ERCC1: variants seen among roughly 807,000 people sequenced by gnomAD.
The protein encoded by ERCC1 is DNA excision repair protein ERCC-1.
ERCC1 carries 36 observed loss-of-function variants against 37.6 expected under a neutral mutation model. The ratio of observed to expected loss-of-function variants is 0.96; its 90% CI spans 0.73 to 1.26. The LOEUF is 1.26. ERCC1 is among the 50% of genes most tolerant of loss of function. The pLI, the probability that ERCC1 is intolerant of heterozygous loss-of-function variation, is 0.00. For synonymous variants in ERCC1, 156 were observed against 162.1 expected (o/e 0.96, Z 0.28); for missense variants, 349 against 376.5 (o/e 0.93, Z 0.60).
intron 1 of ERCC1, among the ~76,000 whole-genome samples, chr19:45,432,192 G>C (rs1047183217): frequency 2.0e-5 from 3 of 151,770 alleles, no homozygotes; most frequent in African/African-American, 7.3e-5. Flanking sequence ...GGCTGCTCTC[G>C]ATCTCCTGAC....
intron 1 of ERCC1, among the ~76,000 whole-genome samples, chr19:45,451,200 T>G (rs1568604859): frequency 6.6e-6 from 1 of 152,128 alleles, no homozygotes. Context: ...TCTGTCCGTC[T>G]GCGCCCCCTC....
At chr19:45,443,684 C>T (rs982949822) in intron 1 of ERCC1, among the ~76,000 whole-genome samples, 1 of 152,170 alleles carries the variant, frequency 6.6e-6, no homozygotes, top group Non-Finnish European at 1.5e-5. Flanking sequence ...GCCGGATGTC[C>T]TGGCCGGGCC....
At chr19:45,411,414 GTA>G (rs902188443) in intron 9 of ERCC1, among the ~76,000 whole-genome samples, 2 of 151,820 alleles carry the variant, frequency 1.3e-5, no homozygotes, top group Non-Finnish European at 2.9e-5. Flanking sequence ...CCCATCAAAA[GTA>G]TATGAGGGTT....
chr19:45,413,918 G>C (rs748462021), intron 8 of ERCC1, 45 bp downstream of exon 8: 3 of 1,596,602 alleles, frequency 1.9e-6, no homozygotes, highest in African/African-American at 1.3e-5. Flanking sequence ...TCTAAAAAAG[G>C]CAAGGGGACA....
chr19:45,423,760 C>T (rs1441942064), intron 1 of ERCC1, 21 bp downstream of exon 1: 1 of 1,147,888 alleles, frequency 8.7e-7, no homozygotes, highest in Non-Finnish European at 1.1e-6. Context: ...AATCTCCACC[C>T]GCAGTCTCCG....
intron 1 of ERCC1, among the ~76,000 whole-genome samples, chr19:45,438,500 G>A (rs1975039706): frequency 6.6e-6 from 1 of 152,044 alleles, no homozygotes; most frequent in African/African-American, 2.4e-5. Flanking sequence ...TCACTCTGTC[G>A]CCCAGGCTGG....
chr19:45,431,002 G>C (rs1460660977), intron 1 of ERCC1, among the ~76,000 whole-genome samples: 1 of 151,992 alleles, frequency 6.6e-6, no homozygotes, highest in Non-Finnish European at 1.5e-5. Context: ...CCCCAGGCTG[G>C]AGTGCAGTGG....
intron 4 of ERCC1, 44 bp from the exon 5 acceptor site, chr19:45,419,241 C>T (rs372992741): frequency 1.5e-6 from 2 of 1,336,510 alleles, no homozygotes. Flanking sequence ...TCAGTCTCTT[C>T]AAGACCCCCA....
chr19:45,414,042 G>C lies in ERCC1; in HGVS notation c.703-8C>G, dbSNP rs1450094340. The C allele has an allele frequency of 6.2e-7, 1 of 1,611,624 alleles. No individual in the cohort carries two copies. Among genetic ancestry groups the C allele is most frequent in the Non-Finnish European group, 8.5e-7 (1 of 1,179,236 alleles). On this transcript the variant is annotated splice_polypyrimidine_tract_variant and splice_region_variant and intron_variant, in intron 7 of 9. Coordinates refer to ENST00000300853, the MANE Select transcript of ERCC1 (RefSeq NM_001983.4). The stretch of plus-strand genomic sequence containing the variant: ...GGTCAGACATTCAGTCACCTGGAAA[G>C]GGTGGAGGCAGGAGTGTGTCGGAAG...
chr19:45,408,754 C>T lies in ERCC1; in HGVS notation c.*921G>A, dbSNP rs142978273. ...AGAAGCCCAAAGGGAAAGAAACCTT[C>T]GAGCCAGAAGACAAGACAGTGAAGC... On this transcript the variant is annotated 3_prime_UTR_variant, in exon 10 of 10. Transcript: ENST00000300853. The T allele has an allele frequency of 5.7e-4, 919 of 1,613,632 alleles. 1 individual carries two copies. Among genetic ancestry groups the T allele is most frequent in the Non-Finnish European group, 7.6e-4 (894 of 1,179,958 alleles).
rs1973421682 is a variant in ERCC1, at chr19:45,407,579, G to C, written c.*2096C>G. On this transcript the variant is annotated 3_prime_UTR_variant, in exon 10 of 10. Coordinates refer to ENST00000300853, the MANE Select transcript of ERCC1 (RefSeq NM_001983.4). ...ATGTTATATTTAAGTAATGGGGGCTGCATTCTTAGGACATTTGGACATTCT... is the reference window on the plus strand; with the variant it reads ...ATGTTATATTTAAGTAATGGGGGCTCCATTCTTAGGACATTTGGACATTCT... 3 of 303,008 alleles carry C rather than the reference G, an allele frequency of 9.9e-6. No homozygotes were observed. The highest frequency in any genetic ancestry group is 1.8e-5 in the Non-Finnish European group (3 of 165,126). 18.8% of individuals were successfully genotyped at this position (303,008 alleles called of 1,614,324 possible).
At chr19:45,427,697 A>G (rs1974729015), upstream of ERCC1, among the ~76,000 whole-genome samples, 1 of 152,152 alleles carries the variant, frequency 6.6e-6, no homozygotes, top group Non-Finnish European at 1.5e-5. Context: ...TCCCAAGTAG[A>G]AGGGCTTGTG....
chr19:45,439,628 A>AG (rs1392440987), intron 1 of ERCC1, among the ~76,000 whole-genome samples: 1 of 152,160 alleles, frequency 6.6e-6, no homozygotes, highest in Non-Finnish European at 1.5e-5. Flanking sequence ...GGGGGCCACC[A>AG]GGGGGCGCGG....
At chr19:45,448,013 A>G (rs1444021996) in intron 1 of ERCC1, among the ~76,000 whole-genome samples, 1 of 152,144 alleles carries the variant, frequency 6.6e-6, no homozygotes, top group East Asian at 1.9e-4. Context: ...CTGGGACTAC[A>G]GGTGTATGCC....
chr19:45,431,029 T>C (rs1974818031), intron 1 of ERCC1, among the ~76,000 whole-genome samples: 1 of 152,166 alleles, frequency 6.6e-6, no homozygotes. Flanking sequence ...CTTGGCTTAC[T>C]GCAACCTCCA....
chr19:45,420,286 G>A lies in ERCC1; in HGVS notation c.425+38C>T, dbSNP rs1655801348. ...CATGACCCTCCCAGGCCAGTGGGGT[G>A]CCCTTCCTGAAGTCTGGGGTGGCGC... On this transcript the variant is annotated intron_variant, in intron 4 of 9. Coordinates refer to ENST00000300853, the MANE Select transcript of ERCC1 (RefSeq NM_001983.4). The surrounding 1 kb of genome is among the most constrained non-coding windows in gnomAD (Gnocchi z 4.8). 2.3e-6 allele frequency: 3 copies of A among 1,332,932 alleles called. No homozygotes were observed. The highest frequency in any genetic ancestry group is 3.2e-6 in the Non-Finnish European group (3 of 934,132). 82.6% of individuals were successfully genotyped at this position (1,332,932 alleles called of 1,614,324 possible).
intron 1 of ERCC1, among the ~76,000 whole-genome samples, chr19:45,431,950 A>G (rs765502213): frequency 1.1e-4 from 16 of 152,254 alleles, no homozygotes; most frequent in Non-Finnish European, 1.8e-4. Flanking sequence ...GATATAACTT[A>G]CATTAACATT....
At chr19:45,424,565 T>G (rs539902216), upstream of ERCC1, among the ~76,000 whole-genome samples, 1 of 152,352 alleles carries the variant, frequency 6.6e-6, no homozygotes, top group African/African-American at 2.4e-5. Flanking sequence ...AACTTGCAGC[T>G]CTCTGATTAC....
chr19:45,409,072 G>C lies in ERCC1; in HGVS notation c.*603C>G, dbSNP rs1973524658. 6.2e-7 allele frequency: 1 copy of C among 1,613,770 alleles called. No individual in the cohort carries two copies. The highest frequency in any genetic ancestry group is 1.1e-5 in the South Asian group (1 of 91,066). Reference sequence around the variant, plus strand: ...CAGGGGGGACCATGGCGCCTCAACAGCCAGAAGGAGCGAAGCCTCAGGCCC... The same window carrying C: ...CAGGGGGGACCATGGCGCCTCAACACCCAGAAGGAGCGAAGCCTCAGGCCC... On this transcript the variant is annotated 3_prime_UTR_variant, in exon 10 of 10. Transcript: ENST00000300853.
Sources: gnomAD v4.1 joint callset for allele counts (sites outside exome capture counted in the v4.1 genomes callset) on GRCh38, gnomAD v4.1.1 for gene constraint, Gnocchi (gnomAD v3.1) non-coding constraint, MANE v1.5 for transcripts, NCBI Gene and HGNC (gene_info 2026-07-23, HGNC 2026-07-21) for gene names.